The following CD8B variants were observed in gnomAD, a reference collection of about 807,000 sequenced individuals.
The protein encoded by CD8B is CD8 subunit beta.
CD8B carries 6 observed loss-of-function variants against 24.2 expected under a neutral mutation model. The ratio of observed to expected loss-of-function variants is 0.25; its 90% CI spans 0.14 to 0.49. CD8B has a LOEUF of 0.49. Ranked by LOEUF, CD8B falls within the 20% of genes least tolerant of loss-of-function variation. The pLI, the probability that CD8B is intolerant of heterozygous loss-of-function variation, is 0.98. For synonymous variants in CD8B, 84 were observed against 108.3 expected, an observed-to-expected ratio of 0.78 and a Z score of 1.39; for missense variants, 196 against 271.3, an observed-to-expected ratio of 0.72 and a Z score of 1.95.
At chr2:86,859,241 CACTGGAT>C (rs1390380287) in intron 1 of CD8B, among the ~76,000 whole-genome samples, 1 of 151,980 alleles carries the variant, frequency 6.6e-6, no homozygotes, top group Non-Finnish European at 1.5e-5. Flanking sequence ...ACTGATGGGT[CACTGGAT>C]CCCTATTCCC....
intron 1 of CD8B, among the ~76,000 whole-genome samples, chr2:86,860,859 CT>C (rs1676545836): frequency 1.3e-5 from 2 of 152,328 alleles, no homozygotes; most frequent in South Asian, 4.1e-4. Context: ...GGCCCACTTG[CT>C]TTTTGTCCCC....
At chr2:86,844,754 T>G (rs1015405057) in intron 5 of CD8B, 168 bp downstream of exon 5, 254 of 1,532,626 alleles carry the variant, frequency 1.7e-4, no homozygotes, top group Non-Finnish European at 2.1e-4. Context: ...GTGATCCTCC[T>G]GCTTCAGCCT....
chr2:86,848,699 A>AAATTAATTAATT (rs377685286), intron 3 of CD8B, among the ~76,000 whole-genome samples: 2 of 14,430 alleles, frequency 1.4e-4, no homozygotes, highest in African/African-American at 1.0e-3. Context: ...TGGTATTTTT[A>AAATTAATTAATT]AATTATTTAT....
At chr2:86,854,426 G>A (rs928913255) in intron 2 of CD8B, among the ~76,000 whole-genome samples, 4 of 152,174 alleles carry the variant, frequency 2.6e-5, no homozygotes, top group African/African-American at 9.7e-5. Context: ...CAGAGCTAAG[G>A]GAAGTTCAGT....
chr2:86,853,111 A>T, intron 2 of CD8B, 25 bp from the exon 3 acceptor site: 1 of 1,546,376 alleles, frequency 6.5e-7, no homozygotes, highest in Non-Finnish European at 8.7e-7. Context: ...CAAGACACAT[A>T]TCTTAGCCAA....
At chr2:86,824,760 C>T (rs554632824) in intron 5 of CD8B, among the ~76,000 whole-genome samples, 22 of 152,254 alleles carry the variant, frequency 1.4e-4, no homozygotes, top group African/African-American at 4.8e-4. Flanking sequence ...CTTGTCTCGA[C>T]CTTGCTTACT....
chr2:86,841,409 G>T lies in CD8B; in HGVS notation c.*898C>A, dbSNP rs1299907300. Among the ~76,000 whole-genome samples the T allele has an allele frequency of 6.6e-6, 1 of 151,154 alleles. No individual in the cohort carries two copies. The highest frequency in any genetic ancestry group is 1.5e-5 in the Non-Finnish European group (1 of 67,872). The stretch of plus-strand genomic sequence containing the variant: ...AGGCACCTGCAGCCTGGCTCTGGGT[G>T]CCCTGGGCGCTTCCTAGCCTCTCTA... On this transcript the variant is annotated 3_prime_UTR_variant, in exon 6 of 6. Transcript: ENST00000390655.
In CD8B at chr2:86,817,237, T is replaced by A. The variant is rs374062363; in HGVS notation, c.621-1519A>T. On this transcript the variant is annotated intron_variant, in intron 5 of 5. Coordinates refer to the CD8B transcript ENST00000331469. Reference sequence around the variant, plus strand: ...TTGTTACAACTGCAGTGGAGATAATTTGGGATATCTAGTAAAAATATCTAT... The same window carrying A: ...TTGTTACAACTGCAGTGGAGATAATATGGGATATCTAGTAAAAATATCTAT... Among the ~76,000 whole-genome samples, 16 of 152,306 alleles carry A rather than the reference T, an allele frequency of 1.1e-4. 1 individual carries two copies. In the East Asian group the frequency reaches 1.2e-3, roughly 11 times the overall value.
chr2:86,827,344 G>A (rs1674731634), intron 5 of CD8B, among the ~76,000 whole-genome samples: 1 of 152,016 alleles, frequency 6.6e-6, no homozygotes. Flanking sequence ...TGTGGGCTGG[G>A]GGCCTGGTGT....
At chr2:86,854,319 GA>G (rs1365833861) in intron 2 of CD8B, among the ~76,000 whole-genome samples, 2 of 152,220 alleles carry the variant, frequency 1.3e-5, no homozygotes, top group African/African-American at 2.4e-5. Flanking sequence ...CTCATGGAAG[GA>G]GGGGGTGCCC....
rs1408064849 is a variant in CD8B, at chr2:86,838,535, G to A, written c.*3772C>T. On this transcript the variant is annotated 3_prime_UTR_variant, in exon 6 of 6. Coordinates refer to ENST00000390655, the MANE Select transcript of CD8B (RefSeq NM_004931.5). ...TATTTTTGAGACAAGGTCTGTCTGT[G>A]TTGCCCAGGCTGGAGTGCAGTGGCG... 6.6e-6 allele frequency among the ~76,000 whole-genome samples: 1 copy of A among 152,252 alleles called. No homozygotes were observed. The highest frequency in any genetic ancestry group is 1.5e-5 in the Non-Finnish European group (1 of 68,006).
At chr2:86,822,136 T>A (rs911296828) in intron 5 of CD8B, among the ~76,000 whole-genome samples, 1 of 152,108 alleles carries the variant, frequency 6.6e-6, no homozygotes, top group Admixed American at 6.5e-5. Context: ...GCATCAACTC[T>A]CCTTTAGCTC....
intron 5 of CD8B, among the ~76,000 whole-genome samples, chr2:86,825,045 G>A (rs1277127909): frequency 6.6e-6 from 1 of 152,166 alleles, no homozygotes; most frequent in African/African-American, 2.4e-5. Context: ...AAAGCTCTAA[G>A]CAATTTATAT....
At chr2:86,856,581 A>G (rs1676273907) in intron 2 of CD8B, among the ~76,000 whole-genome samples, 1 of 151,792 alleles carries the variant, frequency 6.6e-6, no homozygotes, top group African/African-American at 2.4e-5. Flanking sequence ...TGAGTGGTCT[A>G]ATTTCTGGGT....
intron 5 of CD8B, among the ~76,000 whole-genome samples, chr2:86,830,392 C>A (rs1242919198): frequency 2.0e-5 from 3 of 152,030 alleles, no homozygotes; most frequent in African/African-American, 7.2e-5. Context: ...CGTGGCGAAA[C>A]CCTATCTCTA....
intron 1 of CD8B, among the ~76,000 whole-genome samples, 188 bp from the exon 2 acceptor site, chr2:86,858,604 A>C (rs1676408088): frequency 7.2e-6 from 1 of 138,596 alleles, no homozygotes; most frequent in Non-Finnish European, 1.6e-5. Context: ...ACCTCCCAGG[A>C]GATCATCTGG....
chr2:86,821,911 C>G (rs1481323078), intron 5 of CD8B, among the ~76,000 whole-genome samples: 1 of 152,130 alleles, frequency 6.6e-6, no homozygotes, highest in African/African-American at 2.4e-5. Flanking sequence ...TTTTCGAGGC[C>G]CGCTCTTCTC....
At chr2:86,845,047 A>C in intron 4 of CD8B, 89 bp from the exon 5 acceptor site, 1 of 1,538,076 alleles carries the variant, frequency 6.5e-7, no homozygotes, top group Non-Finnish European at 8.8e-7. Flanking sequence ...TCACAGGGGC[A>C]GCTGACACCT....
chr2:86,855,496 A>G lies in CD8B; in HGVS notation c.404-2410T>C, dbSNP rs533395410. On this transcript the variant is annotated intron_variant, in intron 2 of 5. Coordinates refer to ENST00000390655, the MANE Select transcript of CD8B (RefSeq NM_004931.5). Reference sequence around the variant, plus strand: ...GACAGCCACTGGCTGCAGAGCCAGTATCTGCACCAAAAGACCTTGATTCTA... The same window carrying G: ...GACAGCCACTGGCTGCAGAGCCAGTGTCTGCACCAAAAGACCTTGATTCTA... 1.3e-3 allele frequency among the ~76,000 whole-genome samples: 198 copies of G among 152,358 alleles called. 1 individual carries two copies. The highest frequency in any genetic ancestry group is 2.3e-3 in the South Asian group (11 of 4,828).
Sources: gnomAD v4.1 joint callset for allele counts (sites outside exome capture counted in the v4.1 genomes callset) on GRCh38, gnomAD v4.1.1 for gene constraint, MANE v1.5 for transcripts, NCBI Gene and HGNC (gene_info 2026-07-23, HGNC 2026-07-21) for gene names.